The following WNT7A variants were observed in gnomAD, a reference collection of about 807,000 sequenced individuals.
WNT7A encodes protein Wnt-7a.
A neutral mutation model predicts 28.2 loss-of-function variants in WNT7A; 16 were observed. The ratio of observed to expected loss-of-function variants is 0.57; its 90% CI spans 0.38 to 0.86. The LOEUF is 0.86. Ranked by LOEUF, WNT7A falls within the 40% of genes least tolerant of loss-of-function variation. The pLI is 0.00. For missense variants in WNT7A, 411 were observed against 489.7 expected (o/e 0.84, Z 1.52); for synonymous variants, 190 against 195.9 (o/e 0.97, Z 0.25).
intron 1 of WNT7A, among the ~76,000 whole-genome samples, chr3:13,875,524 A>C (rs1695098010): frequency 6.6e-6 from 1 of 152,198 alleles, no homozygotes; most frequent in Non-Finnish European, 1.5e-5. Flanking sequence ...AAAAACATGC[A>C]AAAGAAGCTC....
At chr3:13,851,033 G>C (rs1243587017) in intron 3 of WNT7A, among the ~76,000 whole-genome samples, 1 of 151,966 alleles carries the variant, frequency 6.6e-6, no homozygotes, top group Admixed American at 6.6e-5. Flanking sequence ...AAACACCATG[G>C]CTTCCATTAC....
chr3:13,852,857 G>A (rs1031349771), intron 3 of WNT7A, among the ~76,000 whole-genome samples: 3 of 152,174 alleles, frequency 2.0e-5, no homozygotes, highest in African/African-American at 7.2e-5. Context: ...CCACCTCTTG[G>A]CTCAGGAAAT....
chr3:13,837,229 C>T (rs1431744563), intron 3 of WNT7A, among the ~76,000 whole-genome samples: 1 of 152,174 alleles, frequency 6.6e-6, no homozygotes, highest in African/African-American at 2.4e-5. Context: ...AAGCCCATTC[C>T]TGCCCCAGGA....
At chr3:13,829,729 A>T (rs371838427) in intron 3 of WNT7A, among the ~76,000 whole-genome samples, 31 of 152,150 alleles carry the variant, frequency 2.0e-4, no homozygotes, top group Middle Eastern at 3.4e-3. Flanking sequence ...GGGCAGGGGG[A>T]GGAGAGAAGC....
At chr3:13,877,824 T>A (rs542747574) in intron 1 of WNT7A, among the ~76,000 whole-genome samples, 1 of 152,354 alleles carries the variant, frequency 6.6e-6, no homozygotes, top group Non-Finnish European at 1.5e-5. Flanking sequence ...TTATCGGATC[T>A]GATTGTTGCA....
chr3:13,855,799 G>C (rs1002027819), intron 2 of WNT7A, among the ~76,000 whole-genome samples: 1 of 152,164 alleles, frequency 6.6e-6, no homozygotes, highest in East Asian at 1.9e-4. Context: ...ATGTAGCCTG[G>C]GTGGGTTTCA....
At chr3:13,847,370 G>T (rs1694554773) in intron 3 of WNT7A, among the ~76,000 whole-genome samples, 1 of 152,220 alleles carries the variant, frequency 6.6e-6, no homozygotes, top group African/African-American at 2.4e-5. Context: ...CGGAAGGGAG[G>T]TCTGAGCCAG....
At chr3:13,866,527 C>T (rs1388065383) in intron 2 of WNT7A, among the ~76,000 whole-genome samples, 1 of 152,188 alleles carries the variant, frequency 6.6e-6, no homozygotes, top group Non-Finnish European at 1.5e-5. Flanking sequence ...AAATGCTACA[C>T]AGTGAGAGCG....
At chr3:13,842,196 C>T (rs964413855) in intron 3 of WNT7A, among the ~76,000 whole-genome samples, 1 of 152,118 alleles carries the variant, frequency 6.6e-6, no homozygotes, top group Non-Finnish European at 1.5e-5. Context: ...TTTGAAAAGC[C>T]TGCAGGGGCC....
Position 13,817,253 on chromosome 3 carries a change from G to A in WNT7A, c.*1691C>T, listed in dbSNP as rs534703623. ...CAAGCAGAGACTCTGGGGAGCAGCA[G>A]ATGCAAAGGCATGCAGCTCCATGCC... On this transcript the variant is annotated 3_prime_UTR_variant, in exon 4 of 4. Coordinates refer to ENST00000285018, the MANE Select transcript of WNT7A (RefSeq NM_004625.4). 5 of 152,374 alleles carry A rather than the reference G, an allele frequency of 3.3e-5. No individual in the cohort carries two copies. Among genetic ancestry groups the A allele is most frequent in the South Asian group, 2.1e-4 (1 of 4,818 alleles). 9.4% of individuals were successfully genotyped at this position (152,374 alleles called of 1,614,324 possible).
At chr3:13,844,211 G>T (rs1190940524) in intron 3 of WNT7A, among the ~76,000 whole-genome samples, 1 of 152,130 alleles carries the variant, frequency 6.6e-6, no homozygotes, top group Non-Finnish European at 1.5e-5. Context: ...CTTTTTACCT[G>T]GTCAACCTCA....
rs1483084472 is a variant in WNT7A at position 13,818,090 on chromosome 3, A to G, written c.*854T>C. The G allele has an allele frequency of 6.6e-6, 1 of 152,184 alleles. No individual in the cohort carries two copies. Among genetic ancestry groups the G allele is most frequent in the Non-Finnish European group, 1.5e-5 (1 of 68,034 alleles). The allele number at this position is 152,184 out of a possible 1,614,324, so 9.4% of individuals were successfully genotyped here. On this transcript the variant is annotated 3_prime_UTR_variant, in exon 4 of 4. Transcript: ENST00000285018. ...ATTAAGAAGAAGCACAGGCCGTGGA[A>G]TGATACAGTAGACTCGATATAAATA... is the stretch of plus-strand genomic sequence containing the variant.
intron 2 of WNT7A, among the ~76,000 whole-genome samples, chr3:13,858,089 A>G (rs1399528061): frequency 6.6e-6 from 1 of 152,200 alleles, no homozygotes; most frequent in Non-Finnish European, 1.5e-5. Context: ...TGGGACACCC[A>G]ACATGTGGGC....
intron 2 of WNT7A, among the ~76,000 whole-genome samples, chr3:13,856,893 A>AAAAAG (rs1559303190): frequency 1.2e-4 from 9 of 73,356 alleles, no homozygotes; most frequent in South Asian, 5.3e-4. Context: ...AGAAGAAGAA[A>AAAAAG]AAGAAGAAGA....
In WNT7A at chr3:13,818,351, C is replaced by CAAAAAAGAAAAAAAAAAAAAAAAAAA. The variant is rs1694047269; in HGVS notation, c.*592_*593insTTTTTTTTTTTTTTTTTTTCTTTTTT. On this transcript the variant is annotated 3_prime_UTR_variant, in exon 4 of 4. Transcript: ENST00000285018. ...TTTCTGGATAAGTAGCAGCAAACAG[C>CAAAAAAGAAAAAAAAAAAAAAAAAAA]AAAAAAAAAAAAAAAAATGTGTGTG... 2.5e-5 allele frequency: 2 copies of CAAAAAAGAAAAAAAAAAAAAAAAAAA among 79,952 alleles called. No homozygotes were observed. Among genetic ancestry groups the CAAAAAAGAAAAAAAAAAAAAAAAAAA allele is most frequent in the African/African-American group, 4.9e-5 (1 of 20,618 alleles). 5.0% of individuals were successfully genotyped at this position (79,952 alleles called of 1,614,324 possible).
At chr3:13,873,068 C>T (rs945322162) in intron 2 of WNT7A, among the ~76,000 whole-genome samples, 2 of 152,024 alleles carry the variant, frequency 1.3e-5, no homozygotes, top group African/African-American at 2.4e-5. Flanking sequence ...AAACCACAAG[C>T]GACAAGCAAG....
chr3:13,855,871 G>T (rs1193520399), intron 2 of WNT7A, among the ~76,000 whole-genome samples: 5 of 152,176 alleles, frequency 3.3e-5, no homozygotes, highest in Admixed American at 2.6e-4. Flanking sequence ...GCCAGAGAAG[G>T]TGTTTCAGAA....
chr3:13,856,899 GA>G (rs1694743903), intron 2 of WNT7A, among the ~76,000 whole-genome samples: 1 of 46,516 alleles, frequency 2.1e-5, no homozygotes, highest in Non-Finnish European at 4.5e-5. Flanking sequence ...AGAAAAAGAA[GA>G]AGAAGAAGAA....
intron 3 of WNT7A, among the ~76,000 whole-genome samples, chr3:13,843,690 G>GAA (rs200637555): frequency 1.5e-4 from 22 of 142,434 alleles, no homozygotes; most frequent in South Asian, 2.2e-4. Context: ...AAAAGATGTT[G>GAA]AAAAAAAAAA....
Sources: allele counts gnomAD v4.1 joint callset (sites outside exome capture counted in the v4.1 genomes callset), GRCh38; gene constraint gnomAD v4.1.1; transcripts MANE v1.5; gene names NCBI Gene and HGNC (gene_info 2026-07-23, HGNC 2026-07-21).